Variants in ROBO2 observed in about 807,000 individuals in gnomAD.
ROBO2 encodes roundabout guidance receptor 2.
Under a neutral mutation model 160.8 loss-of-function variants are expected in ROBO2, and 53 were observed. The ratio of observed to expected loss-of-function variants is 0.33; its 90% confidence interval spans 0.26 to 0.41. The LOEUF is 0.41. Ranked by LOEUF, ROBO2 falls within the 10% of genes least tolerant of loss-of-function variation. The pLI, the probability that ROBO2 is intolerant of heterozygous loss-of-function variation, is 1.00. For missense variants in ROBO2, 1,577 were observed against 1,722.4 expected, an observed-to-expected ratio of 0.92 and a Z score of 1.49; for synonymous variants, 664 against 611.7, an observed-to-expected ratio of 1.09 and a Z score of -1.26.
chr3:76,247,043 T>C (rs569223717), intron 2 of ROBO2, among the ~76,000 whole-genome samples: 1 of 152,258 alleles, frequency 6.6e-6, no homozygotes, highest in South Asian at 2.1e-4. Flanking sequence ...AGACAGGCCA[T>C]CAGGGCTACA....
chr3:76,645,941 C>A (rs2090947205), intron 2 of ROBO2, among the ~76,000 whole-genome samples: 1 of 152,092 alleles, frequency 6.6e-6, no homozygotes, highest in African/African-American at 2.4e-5. Context: ...AAAAAAGACA[C>A]TGTGTCTTGT....
chr3:77,519,405 A>G (rs2090358686), intron 5 of ROBO2, among the ~76,000 whole-genome samples: 1 of 151,258 alleles, frequency 6.6e-6, no homozygotes, highest in Admixed American at 6.6e-5. Context: ...GGTTTGTGAC[A>G]TGGGTATATA....
intron 2 of ROBO2, among the ~76,000 whole-genome samples, chr3:76,547,517 T>G (rs1352378913): frequency 1.3e-5 from 2 of 152,030 alleles, no homozygotes; most frequent in African/African-American, 4.8e-5. Context: ...AAGAAAGCAT[T>G]AAACTCATAC....
intron 2 of ROBO2, among the ~76,000 whole-genome samples, chr3:75,939,906 T>G (rs1247261607): frequency 6.6e-6 from 1 of 152,178 alleles, no homozygotes; most frequent in African/African-American, 2.4e-5. Flanking sequence ...ATAAATAAGG[T>G]TTTCTCTCTA....
intron 2 of ROBO2, among the ~76,000 whole-genome samples, chr3:76,946,204 CT>C (rs1167956085): frequency 6.6e-5 from 10 of 152,074 alleles, no homozygotes; most frequent in Non-Finnish European, 1.5e-4. Context: ...CAGAATATGC[CT>C]TGAATTATGA....
chr3:76,958,180 T>G (rs902498626), intron 2 of ROBO2, among the ~76,000 whole-genome samples: 1 of 152,248 alleles, frequency 6.6e-6, no homozygotes, highest in Non-Finnish European at 1.5e-5. Context: ...CATTGCAAGC[T>G]AAGGTCTTCA....
At chr3:76,692,185 A>G (rs1019680836) in intron 2 of ROBO2, among the ~76,000 whole-genome samples, 1 of 152,144 alleles carries the variant, frequency 6.6e-6, no homozygotes, top group Non-Finnish European at 1.5e-5. Flanking sequence ...CTGAATGATC[A>G]GGGGAGAGGG....
chr3:76,840,621 T>TTA (rs937180652), intron 2 of ROBO2, among the ~76,000 whole-genome samples: 43 of 124,362 alleles, frequency 3.5e-4, no homozygotes, highest in African/African-American at 1.1e-3. Context: ...AAAAAAAAAA[T>TTA]TATATATATA....
At chr3:76,476,964 A>G (rs1383512033) in intron 2 of ROBO2, among the ~76,000 whole-genome samples, 1 of 152,216 alleles carries the variant, frequency 6.6e-6, no homozygotes, top group East Asian at 1.9e-4. Context: ...TACCATCAAA[A>G]GAACGTGGAC....
chr3:77,190,381 T>C (rs1313992761), intron 2 of ROBO2, among the ~76,000 whole-genome samples: 1 of 151,992 alleles, frequency 6.6e-6, no homozygotes, highest in South Asian at 2.1e-4. Flanking sequence ...CCTCTATTCT[T>C]AACTGTTGCA....
intron 1 of ROBO2, among the ~76,000 whole-genome samples, chr3:77,096,876 A>G (rs1264714905): frequency 1.3e-5 from 2 of 152,184 alleles, no homozygotes; most frequent in Non-Finnish European, 1.5e-5. Flanking sequence ...GCATTTTGAT[A>G]TGGTATATTT....
chr3:75,949,389 C>G (rs1948449357), intron 2 of ROBO2, among the ~76,000 whole-genome samples: 1 of 152,046 alleles, frequency 6.6e-6, no homozygotes, highest in Admixed American at 6.6e-5. Flanking sequence ...GTGAATTTAT[C>G]TCAGAGGAAT....
intron 2 of ROBO2, among the ~76,000 whole-genome samples, chr3:77,353,518 C>A (rs928414912): frequency 6.6e-6 from 1 of 152,074 alleles, no homozygotes; most frequent in Non-Finnish European, 1.5e-5. Flanking sequence ...ACCTAGGGAA[C>A]CTTTTTTTTT....
At chr3:77,040,151 T>C (rs2063948815) in exon 1 of ROBO2, 2 of 984,600 alleles carry the variant, frequency 2.0e-6, no homozygotes, top group Non-Finnish European at 2.4e-6. Context: ...TTCTCCTCTC[T>C]TTTGGAAACC....
intron 4 of ROBO2, among the ~76,000 whole-genome samples, chr3:77,487,900 A>C (rs1246078047): frequency 6.6e-6 from 1 of 152,212 alleles, no homozygotes; most frequent in Non-Finnish European, 1.5e-5. Flanking sequence ...AGTGATTGAC[A>C]ATTTTAAAGC....
chr3:77,169,671 C>A (rs1372515741), intron 2 of ROBO2, among the ~76,000 whole-genome samples: 1 of 152,176 alleles, frequency 6.6e-6, no homozygotes, highest in African/African-American at 2.4e-5. Context: ...GCAGTTAAAC[C>A]AGAAACCTGC....
At chr3:76,584,006 C>T (rs909406852) in intron 2 of ROBO2, among the ~76,000 whole-genome samples, 6 of 152,068 alleles carry the variant, frequency 3.9e-5, no homozygotes, top group Non-Finnish European at 7.4e-5. Context: ...TCTGGGATAG[C>T]GCTTGAATTT....
rs61731268 is a variant in ROBO2, at chr3:77,098,000, G to T, written c.62-14G>T. On this transcript the variant is annotated splice_polypyrimidine_tract_variant and intron_variant, in intron 1 of 25. Coordinates refer to ENST00000461745, the Ensembl canonical transcript of ROBO2. ...AAATGTTAAAGCTTGTCTTTATTCC[G>T]TCATGTTTTGTAGGATCGCGTCTTC... 8.1e-3 allele frequency: 12,398 copies of T among 1,528,602 alleles called. 878 individuals carry two copies. The African/African-American group carries it at 0.15, about 19-fold the overall frequency. The allele number at this position is 1,528,602 out of a possible 1,614,324, so 94.7% of individuals were successfully genotyped here.
At chr3:76,176,380 A>C (rs1171968817) in intron 2 of ROBO2, among the ~76,000 whole-genome samples, 1 of 151,324 alleles carries the variant, frequency 6.6e-6, no homozygotes, top group Admixed American at 6.6e-5. Context: ...GACAGGGATA[A>C]ATAAAACTAT....
Sources: allele counts gnomAD v4.1 joint callset (sites outside exome capture counted in the v4.1 genomes callset), GRCh38; gene constraint gnomAD v4.1.1; transcripts MANE v1.5; gene names NCBI Gene and HGNC (gene_info 2026-07-23, HGNC 2026-07-21).